The following CHD4 variants were observed in gnomAD, a reference collection of about 807,000 sequenced individuals.
CHD4 encodes the protein ATP-dependent chromatin remodeler CHD4.
CHD4 carries 35 observed loss-of-function variants against 235.5 expected under a neutral mutation model. The ratio of observed to expected loss-of-function variants is 0.15; its 90% CI spans 0.11 to 0.20. The LOEUF (loss-of-function observed/expected upper bound fraction) is 0.20, where lower values mean the gene tolerates loss of function less well. Ranked by LOEUF, CHD4 falls within the 10% of genes least tolerant of loss-of-function variation. The pLI is 1.00. For synonymous variants in CHD4, 900 were observed against 850.2 expected (o/e 1.06, Z -1.02); for missense variants, 1,329 against 2,432.3 (o/e 0.55, Z 9.54).
chr12:6,605,104 G>T (rs1291693170), intron 2 of CHD4, among the ~76,000 whole-genome samples: 1 of 152,136 alleles, frequency 6.6e-6, no homozygotes, highest in African/African-American at 2.4e-5. Context: ...TTGAAGTGAA[G>T]AATTCCAACT....
chr12:6,600,428 G>GA (rs775645993), intron 8 of CHD4, 33 bp from the exon 9 acceptor site: 27 of 1,610,724 alleles, frequency 1.7e-5, no homozygotes, highest in Middle Eastern at 1.7e-4. Context: ...CCAGTTATTG[G>GA]AAAAAAACTA....
chr12:6,594,326 TTATC>T, intron 15 of CHD4, 129 bp downstream of exon 15: 2 of 699,022 alleles, frequency 2.9e-6, no homozygotes, highest in East Asian at 2.6e-5. Context: ...GTACATGTGT[TTATC>T]TATTATCCAC....
intron 23 of CHD4, 145 bp downstream of exon 23, chr12:6,588,153 G>C: frequency 8.0e-7 from 1 of 1,243,066 alleles, no homozygotes; most frequent in South Asian, 1.5e-5. Flanking sequence ...CCAAACTCTG[G>C]CTTACAATAA....
Position 6,593,078 on chromosome 12 carries a change from C to T in CHD4, c.2652+13G>A. 6.2e-7 allele frequency: 1 copy of T among 1,613,450 alleles called. No homozygotes were observed. Among genetic ancestry groups the T allele is most frequent in the South Asian group, 1.1e-5 (1 of 91,074 alleles). ...CAAAGTGGGGGCTCCAACATCCCTC[C>T]CTCAGCCCTCACCTTAGACTGATTG... On this transcript the variant is annotated intron_variant, in intron 17 of 39. Coordinates refer to ENST00000544040, the MANE Select transcript of CHD4 (RefSeq NM_001273.5). The surrounding 1 kb of genome is among the most constrained non-coding windows in gnomAD (Gnocchi z 4.9).
Position 6,601,386 on chromosome 12 carries a change from T to G in CHD4, c.702A>C (p.Val234=), listed in dbSNP as rs1592282623. ...ASVAAAAAAA[V]AVVESMVTAT... ...CTGTCACCATGCTCTCCACCACAGC[T>G]ACCGCTGCTGCTGCCGCAGCTGCCA... The change falls in exon 6 of 40, where the codon GTA becomes GTC. Residue 234 remains valine (V), a synonymous_variant. Transcript: ENST00000544040. 6.2e-6 allele frequency: 10 copies of G among 1,614,160 alleles called. No homozygotes were observed. Among genetic ancestry groups the G allele is most frequent in the Non-Finnish European group, 8.5e-6 (10 of 1,180,026 alleles).
Position 6,601,111 on chromosome 12 carries a change from T to A in CHD4, c.800-58A>T, listed in dbSNP as rs1948582103. On this transcript the variant is annotated intron_variant, in intron 6 of 39. Coordinates refer to ENST00000544040, the MANE Select transcript of CHD4 (RefSeq NM_001273.5). ...AAGACCAAAGATGGGGAAAATAAAA[T>A]CTTCTCCACCTAAGCTTGCTTCCCC... 6 of 1,524,262 alleles carry A rather than the reference T, an allele frequency of 3.9e-6. No individual in the cohort carries two copies. The East Asian group carries it at 1.1e-4, about 29-fold the overall frequency. The allele number at this position is 1,524,262 out of a possible 1,614,324, so 94.4% of individuals were successfully genotyped here.
chr12:6,605,404 T>C (rs554799878), intron 2 of CHD4, among the ~76,000 whole-genome samples: 20 of 152,212 alleles, frequency 1.3e-4, no homozygotes, highest in African/African-American at 4.8e-4. Context: ...ACATCAACCA[T>C]CATTTGAGGA....
intron 2 of CHD4, among the ~76,000 whole-genome samples, chr12:6,604,833 C>G (rs751605937): frequency 6.6e-6 from 1 of 152,138 alleles, no homozygotes; most frequent in South Asian, 2.1e-4. Flanking sequence ...GCGCAGCTCC[C>G]GGTCAACATG....
At position 6,601,970 on chromosome 12, in the gene CHD4, T is replaced by C. The variant is rs768429912; in HGVS notation, c.428A>G (p.Asp143Gly). 6.2e-7 allele frequency: 1 copy of C among 1,608,342 alleles called. No homozygotes were observed. Among genetic ancestry groups the C allele is most frequent in the Non-Finnish European group, 8.5e-7 (1 of 1,179,954 alleles). Residue 143 changes from aspartate to glycine, a missense_variant, in exon 4 of 40, where the codon GAT (aspartate) becomes GGT (glycine). Transcript: ENST00000544040. ...TGGAGGTCCAGGCACCTTTGAATCA[T>C]CATCATCATCCTCCTCCTCCTCCTC... The part of the protein sequence containing the change: ...KEEEEEEDDD[D>G]DSKEPKSSAQ...
At chr12:6,585,092 C>T (rs922297539) in intron 25 of CHD4, among the ~76,000 whole-genome samples, 1 of 152,098 alleles carries the variant, frequency 6.6e-6, no homozygotes, top group Admixed American at 6.5e-5. Flanking sequence ...AGAACCAATG[C>T]CAACTGAAAG....
chr12:6,590,543 G>A (rs1948377007), intron 22 of CHD4, among the ~76,000 whole-genome samples: 1 of 151,982 alleles, frequency 6.6e-6, no homozygotes, highest in Non-Finnish European at 1.5e-5. Context: ...GTGATACTGA[G>A]CACAGTGGCT....
At chr12:6,586,110 T>TAC (rs1948289677) in intron 25 of CHD4, among the ~76,000 whole-genome samples, 1 of 137,484 alleles carries the variant, frequency 7.3e-6, no homozygotes, top group South Asian at 2.3e-4. Flanking sequence ...AAAAAAAAAA[T>TAC]ATATAAGGCC....
chr12:6,572,903 G>T, intron 38 of CHD4, 171 bp downstream of exon 38: 2 of 594,210 alleles, frequency 3.4e-6, no homozygotes, highest in Non-Finnish European at 5.6e-6. Context: ...AAGAACTACT[G>T]TCCTTGATTG....
chr12:6,601,965 AATC>A lies in CHD4; in HGVS notation c.430_432del (p.Asp144del), dbSNP rs747127748. 101 of 1,607,318 alleles carry A rather than the reference AATC, an allele frequency of 6.3e-5. 1 individual carries two copies. In the South Asian group the frequency reaches 7.9e-4, roughly 13 times the overall value. ...GAGGATGGAGGTCCAGGCACCTTTG[AATC>A]ATCATCATCATCCTCCTCCTCCTCC... On this transcript the variant is annotated inframe_deletion, in exon 4 of 40. Coordinates refer to ENST00000544040, the MANE Select transcript of CHD4 (RefSeq NM_001273.5).
At position 6,594,340 on chromosome 12, in the gene CHD4, CA is replaced by C. The variant is rs1484845046; in HGVS notation, c.2313+118del. On this transcript the variant is annotated intron_variant, in intron 15 of 39. Coordinates refer to ENST00000544040, the MANE Select transcript of CHD4 (RefSeq NM_001273.5). ...TGTACATGTGTTTATCTATTATCCA[CA>C]GTGTTCTTGAAGGTCAGAGACCAAT... is the stretch of plus-strand genomic sequence containing the variant. The C allele has an allele frequency of 9.0e-6, 7 of 781,814 alleles. No individual in the cohort carries two copies. In the Admixed American group the frequency reaches 1.9e-4, roughly 21 times the overall value. The allele number at this position is 781,814 out of a possible 1,614,324, so 48.4% of individuals were successfully genotyped here.
rs761036067 is a variant in CHD4, at chr12:6,581,436, G to A, written c.4682-48C>T. 2.5e-6 allele frequency: 4 copies of A among 1,579,258 alleles called. No individual in the cohort carries two copies. In the African/African-American group the frequency reaches 4.0e-5, roughly 16 times the overall value. ...CAATTAGGAAGAAGGTACTAGATCAGAGAGAAGGTCATTTCTTCCCAGTTT... is the reference window on the plus strand; with the variant it reads ...CAATTAGGAAGAAGGTACTAGATCAAAGAGAAGGTCATTTCTTCCCAGTTT... On this transcript the variant is annotated intron_variant, in intron 31 of 39. Transcript: ENST00000544040.
At chr12:6,578,224 A>G in intron 35 of CHD4, 87 bp from the exon 36 acceptor site, 1 of 1,366,124 alleles carries the variant, frequency 7.3e-7, no homozygotes, top group East Asian at 2.3e-5. Context: ...GTCCCCCACC[A>G]TCCCCTACCC....
rs779121504 is a variant in CHD4 at position 6,582,666 on chromosome 12, G to C, written c.4319C>G (p.Thr1440Ser). The part of the protein sequence containing the change: ...RYGMPPQDAF[T>S]TQWLVRDLRG... ...CAGGTCTCTTACAAGCCACTGGGTA[G>C]TAAAAGCATCCTGAGGTGGCATACC... Residue 1440 changes from threonine to serine, a missense_variant, in exon 29 of 40, where the codon ACT (threonine) becomes AGT (serine). By Grantham distance (58) the Thr-to-Ser change is moderately conservative. Transcript: ENST00000544040. 3.7e-6 allele frequency: 6 copies of C among 1,614,180 alleles called. No individual in the cohort carries two copies. Among genetic ancestry groups the C allele is most frequent in the Non-Finnish European group, 5.1e-6 (6 of 1,180,038 alleles).
chr12:6,602,364 T>C lies in CHD4; in HGVS notation c.222+12A>G. 2.5e-6 allele frequency: 4 copies of C among 1,612,964 alleles called. No homozygotes were observed. Among genetic ancestry groups the C allele is most frequent in the Non-Finnish European group, 3.4e-6 (4 of 1,179,824 alleles). ...TCCTCTGATTCCCCGTAACATTCAG[T>C]CACCCACTCACCTCCTTTTTTTGGC... On this transcript the variant is annotated intron_variant, in intron 3 of 39. Transcript: ENST00000544040.
Sources: allele counts gnomAD v4.1 joint callset (sites outside exome capture counted in the v4.1 genomes callset), GRCh38; gene constraint gnomAD v4.1.1; non-coding constraint Gnocchi (gnomAD v3.1); transcripts MANE v1.5; gene names NCBI Gene and HGNC (gene_info 2026-07-23, HGNC 2026-07-21).